Variants in POLK observed in about 807,000 individuals in gnomAD.
The protein encoded by POLK is polymerase (DNA directed) kappa.
A neutral mutation model predicts 94.0 loss-of-function variants in POLK; 76 were observed. The observed-to-expected ratio is 0.81, with a 90% CI of 0.67 to 0.98. The LOEUF is 0.98. POLK is among the 50% of genes least tolerant of loss of function. The pLI, the probability that POLK is intolerant of heterozygous loss-of-function variation, is 0.00. For synonymous variants in POLK, 349 were observed against 325.4 expected (o/e 1.07, Z -0.78); for missense variants, 954 against 1,010.1 (o/e 0.94, Z 0.75).
chr5:75,537,280 G>C lies in POLK; in HGVS notation c.-13-9730G>C, dbSNP rs370753336. Reference sequence around the variant, plus strand: ...TGCCTCAGTCTAGAAGCATGGGGGTGGGGGGCACAGGGTGGTCAGGGGGAA... The same window carrying C: ...TGCCTCAGTCTAGAAGCATGGGGGTCGGGGGCACAGGGTGGTCAGGGGGAA... On this transcript the variant is annotated intron_variant, in intron 1 of 14. Transcript: ENST00000241436. Among the ~76,000 whole-genome samples, 20 of 152,346 alleles carry C rather than the reference G, an allele frequency of 1.3e-4. No homozygotes were observed. The East Asian group carries it at 3.5e-3, about 26-fold the overall frequency.
chr5:75,540,378 C>A (rs937148863), intron 1 of POLK, among the ~76,000 whole-genome samples: 3 of 151,788 alleles, frequency 2.0e-5, no homozygotes, highest in African/African-American at 7.3e-5. Flanking sequence ...ATAACCGTGG[C>A]TGACTGCGGC....
intron 3 of POLK, 26 bp downstream of exon 3, chr5:75,552,617 TG>T (rs759017473): frequency 6.3e-7 from 1 of 1,577,682 alleles, no homozygotes; most frequent in African/African-American, 1.4e-5. Context: ...TTAAATAAAG[TG>T]GAAGCTGGTA....
chr5:75,557,115 C>T (rs748178707), intron 3 of POLK, among the ~76,000 whole-genome samples: 85 of 152,096 alleles, frequency 5.6e-4, no homozygotes, highest in Admixed American at 2.2e-3. Flanking sequence ...AGTCATTGCT[C>T]CTTTGTCAAA....
chr5:75,582,214 T>C, intron 7 of POLK: 11 of 721,638 alleles, frequency 1.5e-5, no homozygotes, highest in Non-Finnish European at 1.9e-5. Context: ...TGATAACCCA[T>C]GAGGCCATCA....
Position 75,597,892 on chromosome 5 carries a change from A to C in POLK, c.2529-42A>C, listed in dbSNP as rs775031696. The C allele has an allele frequency of 5.8e-6, 7 of 1,200,374 alleles. No homozygotes were observed. The Admixed American group carries it at 1.2e-4, about 21-fold the overall frequency. The allele number at this position is 1,200,374 out of a possible 1,614,324, so 74.4% of individuals were successfully genotyped here. A position where few individuals can be genotyped will look rare whatever the true frequency, so the allele number is the denominator to read the frequency against. ...TATTAAAAATGAATTATTTTCTAGAATCTCTTCCTGCATTTTAATTGTGTG... is the reference window on the plus strand; with the variant it reads ...TATTAAAAATGAATTATTTTCTAGACTCTCTTCCTGCATTTTAATTGTGTG... On this transcript the variant is annotated intron_variant, in intron 14 of 14. Coordinates refer to ENST00000241436, the Ensembl canonical transcript of POLK.
At chr5:75,573,961 G>A in intron 5 of POLK, 92 bp downstream of exon 5, 1 of 1,305,044 alleles carries the variant, frequency 7.7e-7, no homozygotes, top group Non-Finnish European at 1.1e-6. Context: ...CGTAGGATTT[G>A]GTCTTAGCTT....
At chr5:75,602,634 T>A (rs1773319598), downstream of POLK, among the ~76,000 whole-genome samples, 1 of 152,224 alleles carries the variant, frequency 6.6e-6, no homozygotes, top group Non-Finnish European at 1.5e-5. Context: ...CACTTCAAAT[T>A]CGTAACATGT....
downstream of POLK, among the ~76,000 whole-genome samples, chr5:75,602,214 C>G (rs562767657): frequency 1.3e-5 from 2 of 152,320 alleles, no homozygotes; most frequent in African/African-American, 4.8e-5. Flanking sequence ...GCATGCATCA[C>G]CCATGTGACT....
intron 1 of POLK, among the ~76,000 whole-genome samples, chr5:75,528,478 A>G (rs1768977003): frequency 6.6e-6 from 1 of 152,126 alleles, no homozygotes; most frequent in African/African-American, 2.4e-5. Context: ...TGTAGCAAGC[A>G]TGAACTTTTA....
chr5:75,540,679 G>A (rs1358185963), intron 1 of POLK, among the ~76,000 whole-genome samples: 1 of 152,068 alleles, frequency 6.6e-6, no homozygotes, highest in African/African-American at 2.4e-5. Flanking sequence ...CAGGAGAAAT[G>A]TTTTCTCGTT....
chr5:75,584,759 G>A lies in POLK; in HGVS notation c.1060-1G>A. On this transcript the variant is annotated splice_acceptor_variant, in intron 8 of 14. Coordinates refer to ENST00000241436, the Ensembl canonical transcript of POLK. LOFTEE classifies it high-confidence loss of function. Reference sequence around the variant, plus strand: ...AATAATAAATATTGATTCTTTTCTAGGTTTCTGGAATAGGAAAAGTTACAG... The same window carrying A: ...AATAATAAATATTGATTCTTTTCTAAGTTTCTGGAATAGGAAAAGTTACAG... 3 of 1,484,254 alleles carry A rather than the reference G, an allele frequency of 2.0e-6. No individual in the cohort carries two copies. The highest frequency in any genetic ancestry group is 2.7e-6 in the Non-Finnish European group (3 of 1,091,230). 91.9% of individuals were successfully genotyped at this position (1,484,254 alleles called of 1,614,324 possible). A position where few individuals can be genotyped will look rare whatever the true frequency, so the allele number is the denominator to read the frequency against.
At chr5:75,596,169 T>G in intron 12 of POLK, 53 bp from the exon 13 acceptor site, 4 of 985,130 alleles carry the variant, frequency 4.1e-6, no homozygotes, top group Non-Finnish European at 6.2e-6. Context: ...TTATGCATTG[T>G]GAGTGAATTG....
At chr5:75,580,310 T>C (rs1260880060) in intron 6 of POLK, among the ~76,000 whole-genome samples, 2 of 152,136 alleles carry the variant, frequency 1.3e-5, no homozygotes, top group Non-Finnish European at 2.9e-5. Flanking sequence ...CTAACCTTGG[T>C]TGTTATAAAT....
chr5:75,562,054 G>A (rs1771016679), intron 3 of POLK, among the ~76,000 whole-genome samples: 1 of 152,154 alleles, frequency 6.6e-6, no homozygotes, highest in South Asian at 2.1e-4. Context: ...GAAAGTCAGT[G>A]GTACCTTGAT....
chr5:75,542,656 T>C (rs1042218716), intron 1 of POLK, among the ~76,000 whole-genome samples: 7 of 112,444 alleles, frequency 6.2e-5, no homozygotes, highest in African/African-American at 1.3e-4. Flanking sequence ...TATATACACA[T>C]ATATATATAC....
At chr5:75,559,585 G>A (rs1770863559) in intron 3 of POLK, among the ~76,000 whole-genome samples, 1 of 137,714 alleles carries the variant, frequency 7.3e-6, no homozygotes, top group South Asian at 2.4e-4. Context: ...CCAGGCTGGA[G>A]TGCAGTGGTG....
intron 3 of POLK, among the ~76,000 whole-genome samples, chr5:75,564,041 A>AG (rs1771133649): frequency 6.6e-6 from 1 of 152,126 alleles, no homozygotes; most frequent in African/African-American, 2.4e-5. Context: ...GTCTCTTTGT[A>AG]GGTCTCTAAG....
At chr5:75,596,347 A>C (rs1773083391) in exon 13 of POLK, 1 of 1,613,176 alleles carries the variant, frequency 6.2e-7, no homozygotes, top group South Asian at 1.1e-5. Context: ...GAAAACTGAC[A>C]AAGATAAGTT....
At chr5:75,606,603 G>T in the POLK span, among the ~76,000 whole-genome samples, 4 of 148,986 alleles carry the variant, frequency 2.7e-5, no homozygotes, top group East Asian at 4.0e-4. Flanking sequence ...AGCACATCCT[G>T]CACCGCCCTT....
Sources: gnomAD v4.1 joint callset for allele counts (sites outside exome capture counted in the v4.1 genomes callset) on GRCh38, gnomAD v4.1.1 for gene constraint, MANE v1.5 for transcripts, NCBI Gene and HGNC (gene_info 2026-07-23, HGNC 2026-07-21) for gene names.